Variants in SPAG16 observed in about 807,000 individuals in gnomAD.
SPAG16 encodes the protein sperm associated antigen 16, also known as sperm-associated antigen 16 protein.
A neutral mutation model predicts 80.4 loss-of-function variants in SPAG16; 86 were observed. The observed-to-expected ratio is 1.07, with a 90% CI of 0.90 to 1.28. SPAG16 has a LOEUF of 1.28. SPAG16 is among the 50% of genes most tolerant of loss of function. The pLI is 0.00. For synonymous variants in SPAG16, 294 were observed against 265.9 expected, an observed-to-expected ratio of 1.11 and a Z score of -1.03; for missense variants, 870 against 765.3, an observed-to-expected ratio of 1.14 and a Z score of -1.61.
At chr2:214,005,138 G>A (rs112212206) in intron 12 of SPAG16, among the ~76,000 whole-genome samples, 4,903 of 151,956 alleles carry the variant, frequency 0.032, 246 homozygotes, top group African/African-American at 0.11. Context: ...TTATATTTTC[G>A]GTTTTCCAGT....
In SPAG16 at chr2:213,310,163, C is replaced by T. The variant is rs1234571388; in HGVS notation, c.384C>T (p.Cys128=). The T allele has an allele frequency of 6.2e-7, 1 of 1,601,678 alleles. No homozygotes were observed. The highest frequency in any genetic ancestry group is 1.3e-5 in the African/African-American group (1 of 74,558). ...IKMGMTRTLD[C]FQSEWYELIQ... The stretch of plus-strand genomic sequence containing the variant: ...TGGGAATGACCAGAACTCTTGATTG[C>T]TTTCAGTCTGAATGGTAAACAATTA... The change falls in exon 4 of 16, where the codon TGC becomes TGT. Residue 128 remains cysteine, a synonymous_variant. Coordinates refer to ENST00000331683, the MANE Select transcript of SPAG16 (RefSeq NM_024532.5).
At chr2:213,862,176 A>T (rs1251437634) in intron 10 of SPAG16, among the ~76,000 whole-genome samples, 1 of 152,192 alleles carries the variant, frequency 6.6e-6, no homozygotes, top group Non-Finnish European at 1.5e-5. Flanking sequence ...TTCTTCCCTT[A>T]AAGAAAAACC....
intron 9 of SPAG16, chr2:213,422,346 A>G (rs1419224599): frequency 1.2e-5 from 8 of 694,942 alleles, no homozygotes; most frequent in Middle Eastern, 3.5e-4. Flanking sequence ...ACACAGATCC[A>G]GTGCCTGTGC....
chr2:214,279,247 C>A (rs1034985624), intron 15 of SPAG16, among the ~76,000 whole-genome samples: 1 of 152,100 alleles, frequency 6.6e-6, no homozygotes, highest in Admixed American at 6.5e-5. Context: ...CAGGCATGCA[C>A]CACAATGCCC....
At chr2:214,253,863 G>T (rs1160470886) in intron 15 of SPAG16, among the ~76,000 whole-genome samples, 1 of 152,056 alleles carries the variant, frequency 6.6e-6, no homozygotes, top group East Asian at 1.9e-4. Context: ...GATTGATGGG[G>T]ATAGCATTGA....
chr2:214,157,113 C>T (rs13391621), intron 15 of SPAG16, among the ~76,000 whole-genome samples: 11,614 of 152,180 alleles, frequency 0.076, 1,371 homozygotes, highest in African/African-American at 0.25. Context: ...ACTGGAGAAA[C>T]TGAAGGATGT....
chr2:213,876,135 A>C lies in SPAG16; in HGVS notation c.1214+13507A>C, dbSNP rs539261468. Reference sequence around the variant, plus strand: ...ATTTGACATTGCGTGAAAGTTTCCAACTATAAGCAAATGCAGACTTAATGG... The same window carrying C: ...ATTTGACATTGCGTGAAAGTTTCCACCTATAAGCAAATGCAGACTTAATGG... On this transcript the variant is annotated intron_variant, in intron 11 of 15. Coordinates refer to ENST00000331683, the MANE Select transcript of SPAG16 (RefSeq NM_024532.5). 2.6e-5 allele frequency among the ~76,000 whole-genome samples: 4 copies of C among 152,228 alleles called. No homozygotes were observed. The South Asian group carries it at 8.3e-4, about 32-fold the overall frequency.
At chr2:213,385,293 G>T (rs2067368831) in intron 9 of SPAG16, among the ~76,000 whole-genome samples, 1 of 152,098 alleles carries the variant, frequency 6.6e-6, no homozygotes, top group African/African-American at 2.4e-5. Context: ...TTTCCCCTAA[G>T]CTTCAAAGAG....
chr2:213,442,652 A>G (rs1286167739), intron 9 of SPAG16, among the ~76,000 whole-genome samples: 1 of 152,226 alleles, frequency 6.6e-6, no homozygotes, highest in Non-Finnish European at 1.5e-5. Flanking sequence ...CAAAGGAGAA[A>G]AAGCAATAGA....
intron 14 of SPAG16, among the ~76,000 whole-genome samples, chr2:214,129,756 T>C (rs1456415383): frequency 6.6e-6 from 1 of 152,188 alleles, no homozygotes; most frequent in Admixed American, 6.6e-5. Flanking sequence ...GGACAACTTT[T>C]ATATTATCTT....
chr2:213,527,910 C>A lies in SPAG16; in HGVS notation c.1070+37820C>A, dbSNP rs530191322. Among the ~76,000 whole-genome samples the A allele has an allele frequency of 4.6e-5, 7 of 151,850 alleles. No individual in the cohort carries two copies. The South Asian group carries it at 1.5e-3, about 32-fold the overall frequency. On this transcript the variant is annotated intron_variant, in intron 10 of 15. Transcript: ENST00000331683. ...ATAGAAATAAAAATTAAACTAGTAG[C>A]AGCAACATATAAGCTCTGCTGAAAG...
chr2:213,325,291 T>G (rs1368501573), intron 5 of SPAG16, among the ~76,000 whole-genome samples: 1 of 152,060 alleles, frequency 6.6e-6, no homozygotes, highest in Non-Finnish European at 1.5e-5. Context: ...ATATATCATT[T>G]TCTACTATAG....
At chr2:213,355,217 G>A (rs982986309) in intron 7 of SPAG16, among the ~76,000 whole-genome samples, 6 of 152,154 alleles carry the variant, frequency 3.9e-5, no homozygotes, top group African/African-American at 1.4e-4. Flanking sequence ...TGTTCCACTG[G>A]TCTATATATC....
chr2:214,024,031 T>A (rs1324624470), intron 13 of SPAG16, among the ~76,000 whole-genome samples: 1 of 151,688 alleles, frequency 6.6e-6, no homozygotes, highest in South Asian at 2.1e-4. Context: ...TTCCATTCAA[T>A]AAAGATGGAA....
At position 214,410,259 on chromosome 2, in the gene SPAG16, G is replaced by A; in HGVS notation, c.1840G>A (p.Asp614Asn). 1 of 1,611,758 alleles carries A rather than the reference G, an allele frequency of 6.2e-7. No homozygotes were observed. The highest frequency in any genetic ancestry group is 1.1e-5 in the South Asian group (1 of 91,042). The stretch of plus-strand genomic sequence containing the variant: ...GGCACACACGGTTGTGTTTTCTCAC[G>A]ACGGGGAGATTCTCTTTTCTGGAGG... The part of the protein sequence containing the change: ...NEAHTVVFSH[D>N]GEILFSGGSD... Residue 614 changes from aspartate (D) to asparagine (N), a missense_variant, in exon 16 of 16, where the codon GAC (aspartate) becomes AAC (asparagine). Coordinates refer to ENST00000331683, the MANE Select transcript of SPAG16 (RefSeq NM_024532.5).
chr2:213,497,685 A>G lies in SPAG16; in HGVS notation c.1070+7595A>G, dbSNP rs568936106. Among the ~76,000 whole-genome samples, 4 of 152,214 alleles carry G rather than the reference A, an allele frequency of 2.6e-5. No individual in the cohort carries two copies. In the East Asian group the frequency reaches 7.7e-4, roughly 29 times the overall value. ...TGGCCATACTATAATTATATATAGCAATTATGTGTAGTGCCAACAATACAT... is the reference window on the plus strand; with the variant it reads ...TGGCCATACTATAATTATATATAGCGATTATGTGTAGTGCCAACAATACAT... On this transcript the variant is annotated intron_variant, in intron 10 of 15. Coordinates refer to ENST00000331683, the MANE Select transcript of SPAG16 (RefSeq NM_024532.5).
At chr2:213,403,259 C>A (rs2068424928) in intron 9 of SPAG16, among the ~76,000 whole-genome samples, 1 of 150,090 alleles carries the variant, frequency 6.7e-6, no homozygotes, top group Non-Finnish European at 1.5e-5. Context: ...CCTTCGCCCA[C>A]TTTTTGATGG....
rs572946195 is a variant in SPAG16 at position 213,906,529 on chromosome 2, G to A, written c.1215-23431G>A. Among the ~76,000 whole-genome samples, 6 of 152,176 alleles carry A rather than the reference G, an allele frequency of 3.9e-5. No individual in the cohort carries two copies. In the South Asian group the frequency reaches 1.2e-3, roughly 32 times the overall value. On this transcript the variant is annotated intron_variant, in intron 11 of 15. Transcript: ENST00000331683. ...TAGAAAAAATAATCCTAAAATTGCA[G>A]AGAACACAAAAGAGCCTAAATAGCC...
At chr2:214,179,891 G>A (rs1448740379) in intron 15 of SPAG16, among the ~76,000 whole-genome samples, 1 of 151,498 alleles carries the variant, frequency 6.6e-6, no homozygotes, top group Non-Finnish European at 1.5e-5. Flanking sequence ...CAGTTTATAT[G>A]TAATATTATG....
Sources: allele counts gnomAD v4.1 joint callset (sites outside exome capture counted in the v4.1 genomes callset), GRCh38; gene constraint gnomAD v4.1.1; transcripts MANE v1.5; gene names NCBI Gene and HGNC (gene_info 2026-07-23, HGNC 2026-07-21).